The following RBPJ variants were observed in gnomAD, a reference collection of about 807,000 sequenced individuals.
RBPJ encodes recombining binding protein suppressor of hairless.
A neutral mutation model predicts 67.8 loss-of-function variants in RBPJ; 9 were observed. The observed-to-expected ratio is 0.13, with a 90% CI of 0.08 to 0.23. The LOEUF (loss-of-function observed/expected upper bound fraction) is 0.23. Among genes scored for constraint, RBPJ ranks in the 10% least tolerant of loss-of-function variants. The pLI is 1.00. For synonymous variants in RBPJ, 198 were observed against 203.3 expected, an observed-to-expected ratio of 0.97 and a Z score of 0.22; for missense variants, 305 against 595.6, an observed-to-expected ratio of 0.51 and a Z score of 5.08.
chr4:26,171,468 T>C (rs1716580841), intron 1 of RBPJ, among the ~76,000 whole-genome samples: 1 of 152,178 alleles, frequency 6.6e-6, no homozygotes, highest in South Asian at 2.1e-4. Context: ...CTTGAGAGGC[T>C]GAGACAGGAG....
At chr4:26,359,387 A>G (rs1430059967) in intron 1 of RBPJ, among the ~76,000 whole-genome samples, 4 of 144,890 alleles carry the variant, frequency 2.8e-5, no homozygotes, top group African/African-American at 1.0e-4. Context: ...AATAATCAGT[A>G]TTGCAATGAC....
chr4:26,244,247 G>GTGTATATGTA (rs1227178564), intron 1 of RBPJ, among the ~76,000 whole-genome samples: 1 of 3,106 alleles, frequency 3.2e-4, no homozygotes, highest in Non-Finnish European at 1.0e-3. Flanking sequence ...CTATATATGT[G>GTGTATATGTA]TACACATACA....
intron 1 of RBPJ, among the ~76,000 whole-genome samples, chr4:26,334,203 G>A (rs1395920630): frequency 6.6e-6 from 1 of 151,918 alleles, no homozygotes; most frequent in African/African-American, 2.4e-5. Flanking sequence ...ACAATGCCCA[G>A]CTAATTTTTG....
the RBPJ span, among the ~76,000 whole-genome samples, chr4:26,111,691 T>C: frequency 1.3e-5 from 2 of 152,152 alleles, no homozygotes; most frequent in African/African-American, 4.8e-5. Flanking sequence ...CTGAAGCCAT[T>C]GAAGTGTGTG....
Position 26,431,056 on chromosome 4 carries a change from T to A in RBPJ, c.*49T>A, listed in dbSNP as rs1342661041. 4 of 1,525,702 alleles carry A rather than the reference T, an allele frequency of 2.6e-6. No individual in the cohort carries two copies. Among genetic ancestry groups the A allele is most frequent in the Admixed American group, 3.6e-5 (2 of 55,036 alleles). The allele number at this position is 1,525,702 out of a possible 1,614,324, so 94.5% of individuals were successfully genotyped here. A position where few individuals can be genotyped will look rare whatever the true frequency, so the allele number is the denominator to read the frequency against. ...AAACTGACTTGAGTGTGGCAAAAAG[T>A]TAACAAAAAAGGAGAAAAAATGAAC... On this transcript the variant is annotated 3_prime_UTR_variant, in exon 11 of 11. Transcript: ENST00000355476.
At chr4:26,399,407 C>G (rs928488028) in intron 2 of RBPJ, among the ~76,000 whole-genome samples, 1 of 152,142 alleles carries the variant, frequency 6.6e-6, no homozygotes, top group African/African-American at 2.4e-5. Context: ...TTGCAGACTC[C>G]CATTGCCTCC....
intron 1 of RBPJ, among the ~76,000 whole-genome samples, chr4:26,247,713 A>T (rs527515062): frequency 6.0e-4 from 91 of 152,312 alleles, no homozygotes; most frequent in African/African-American, 2.0e-3. Flanking sequence ...CCCAGCCTTC[A>T]TAATACTATT....
the RBPJ span, among the ~76,000 whole-genome samples, chr4:26,136,278 C>T: frequency 6.6e-6 from 1 of 152,188 alleles, no homozygotes; most frequent in African/African-American, 2.4e-5. Flanking sequence ...GAAAGAATCC[C>T]TTCTCTCCCA....
chr4:26,276,488 C>T (rs955198940), intron 1 of RBPJ, among the ~76,000 whole-genome samples: 9 of 152,030 alleles, frequency 5.9e-5, no homozygotes, highest in African/African-American at 1.9e-4. Context: ...CCAATGAAAT[C>T]GCCTCCTTGA....
intron 1 of RBPJ, among the ~76,000 whole-genome samples, chr4:26,363,715 A>G (rs1378705580): frequency 6.6e-6 from 1 of 152,244 alleles, no homozygotes; most frequent in Non-Finnish European, 1.5e-5. Context: ...CTGGGATTAC[A>G]GGCATGAGCC....
chr4:26,270,456 GA>G (rs1437215681), intron 1 of RBPJ, among the ~76,000 whole-genome samples: 3 of 141,270 alleles, frequency 2.1e-5, no homozygotes, highest in Non-Finnish European at 4.7e-5. Flanking sequence ...AAGAAAGAAA[GA>G]AAAGAAAAGG....
intron 2 of RBPJ, among the ~76,000 whole-genome samples, chr4:26,391,450 C>T (rs1731493134): frequency 6.6e-6 from 1 of 152,060 alleles, no homozygotes; most frequent in South Asian, 2.1e-4. Flanking sequence ...ATCCATTCCT[C>T]CTTCAACCCA....
chr4:26,304,821 T>G (rs1371194672), intron 1 of RBPJ, among the ~76,000 whole-genome samples: 1 of 151,996 alleles, frequency 6.6e-6, no homozygotes, highest in African/African-American at 2.4e-5. Context: ...GATAGTGTCC[T>G]TTGAAGCACA....
intron 1 of RBPJ, among the ~76,000 whole-genome samples, chr4:26,338,825 G>A (rs1577469858): frequency 6.6e-6 from 1 of 150,908 alleles, no homozygotes. Flanking sequence ...CACCTGCCTC[G>A]GCCTCCCAAA....
intron 1 of RBPJ, among the ~76,000 whole-genome samples, chr4:26,377,025 A>C (rs973497238): frequency 5.9e-5 from 9 of 152,020 alleles, no homozygotes; most frequent in Non-Finnish European, 1.2e-4. Context: ...TCCTGTATCG[A>C]TATTTGATTG....
Position 26,431,585 on chromosome 4 carries a change from T to G in RBPJ, c.*578T>G, listed in dbSNP as rs1481636899. On this transcript the variant is annotated 3_prime_UTR_variant, in exon 11 of 11. Transcript: ENST00000355476. ...CTATCATACTCTTCCAGGTTTTTTT[T>G]TTTTGGTCTAAGGCTGGAACTTTTT... 1 of 152,402 alleles carries G rather than the reference T, an allele frequency of 6.6e-6. No homozygotes were observed. The highest frequency in any genetic ancestry group is 6.5e-5 in the Admixed American group (1 of 15,288). The allele number at this position is 152,402 out of a possible 1,614,324, so 9.4% of individuals were successfully genotyped here. A position where few individuals can be genotyped will look rare whatever the true frequency, so the allele number is the denominator to read the frequency against.
intron 1 of RBPJ, chr4:26,321,756 C>G (rs1021955015): frequency 6.6e-6 from 1 of 152,540 alleles, no homozygotes; most frequent in Non-Finnish European, 1.5e-5. Flanking sequence ...TCTCTCGGCA[C>G]CCCCTTCCTC....
rs183336587 is a variant in RBPJ at position 26,193,589 on chromosome 4, G to A, written c.-167+29975G>A. Among the ~76,000 whole-genome samples, 27 of 152,018 alleles carry A rather than the reference G, an allele frequency of 1.8e-4. 1 individual carries two copies. The highest frequency in any genetic ancestry group is 1.5e-3 in the Admixed American group (23 of 15,248). ...CCTTTCAACTTGCTCCAGAACACTG[G>A]CATCACCATAATCGCTAGTATAATA... On this transcript the variant is annotated intron_variant, in intron 1 of 4. Transcript: ENST00000512351.
intron 1 of RBPJ, among the ~76,000 whole-genome samples, chr4:26,235,776 C>T (rs1334275106): frequency 3.9e-5 from 6 of 152,344 alleles, no homozygotes; most frequent in Middle Eastern, 3.4e-3. Context: ...AAAAGCCTGC[C>T]TCTTCAGTCT....
Sources: gnomAD v4.1 joint callset for allele counts (sites outside exome capture counted in the v4.1 genomes callset) on GRCh38, gnomAD v4.1.1 for gene constraint, MANE v1.5 for transcripts, NCBI Gene and HGNC (gene_info 2026-07-23, HGNC 2026-07-21) for gene names.